Variants in LMLN observed in about 807,000 individuals in gnomAD.
LMLN encodes the protein leishmanolysin like peptidase.
A neutral mutation model predicts 92.3 loss-of-function variants in LMLN; 70 were observed. That is an observed-to-expected ratio of 0.76 (90% CI 0.63 to 0.92). The LOEUF is 0.92. Ranked by LOEUF, LMLN falls within the 40% of genes least tolerant of loss-of-function variation. The probability of loss-of-function intolerance (pLI) is 0.00; values close to 1 mark genes in which losing one functional copy is unlikely to be tolerated. For missense variants in LMLN, 691 were observed against 814.6 expected, an observed-to-expected ratio of 0.85 and a Z score of 1.85; for synonymous variants, 308 against 296.2, an observed-to-expected ratio of 1.04 and a Z score of -0.41.
intron 10 of LMLN, chr3:197,996,551 C>T (rs186434684): frequency 3.9e-4 from 88 of 227,826 alleles, no homozygotes; most frequent in Non-Finnish European, 6.4e-4. Flanking sequence ...TCACTTTTTC[C>T]AAGGCACTAT....
At chr3:198,009,087 T>C (rs549574917) in intron 11 of LMLN, among the ~76,000 whole-genome samples, 1 of 152,220 alleles carries the variant, frequency 6.6e-6, no homozygotes, top group Non-Finnish European at 1.5e-5. Flanking sequence ...CCATGTAAGC[T>C]TGAAAAAAAT....
chr3:198,000,469 C>T (rs994898480), intron 11 of LMLN, among the ~76,000 whole-genome samples: 2 of 152,042 alleles, frequency 1.3e-5, no homozygotes, highest in Admixed American at 6.5e-5. Context: ...GCTCTGTCAC[C>T]CAGGCTGGAG....
At chr3:198,032,743 C>T (rs1163529087) in intron 14 of LMLN, among the ~76,000 whole-genome samples, 2 of 152,158 alleles carry the variant, frequency 1.3e-5, no homozygotes, top group Non-Finnish European at 2.9e-5. Flanking sequence ...GGGATCCATC[C>T]CCATGACCCA....
rs56713833 is a variant in LMLN, at chr3:197,991,111, C to CTTT, written c.1047+448_1047+450dup. Among the ~76,000 whole-genome samples, 43 of 137,874 alleles carry CTTT rather than the reference C, an allele frequency of 3.1e-4. 1 individual carries two copies. Among genetic ancestry groups the CTTT allele is most frequent in the African/African-American group, 7.9e-4 (29 of 36,882 alleles). The allele number at this position is 137,874 out of a possible 152,430, so 90.5% of individuals were successfully genotyped here. A position where few individuals can be genotyped will look rare whatever the true frequency, so the allele number is the denominator to read the frequency against. ...TTTTTTTCTTTTATTTTCTTTCTTT[C>CTTT]TTTTTTTTTTTTTTTGATACAGGGT... On this transcript the variant is annotated intron_variant, in intron 9 of 15. Coordinates refer to ENST00000330198, the Ensembl canonical transcript of LMLN.
chr3:197,969,853 C>T (rs1289696753), intron 1 of LMLN, among the ~76,000 whole-genome samples: 1 of 151,892 alleles, frequency 6.6e-6, no homozygotes, highest in Non-Finnish European at 1.5e-5. Context: ...TATTTTAAAC[C>T]TCACAATTAG....
At chr3:198,003,483 CA>C (rs969591159) in intron 11 of LMLN, among the ~76,000 whole-genome samples, 2 of 151,512 alleles carry the variant, frequency 1.3e-5, no homozygotes, top group African/African-American at 4.8e-5. Context: ...GATTCAGTAT[CA>C]AAAAAAAGGC....
chr3:198,036,406 A>G (rs1723236301), intron 15 of LMLN, among the ~76,000 whole-genome samples: 1 of 152,228 alleles, frequency 6.6e-6, no homozygotes, highest in Non-Finnish European at 1.5e-5. Context: ...TAGTCATATC[A>G]TAATCAGCTG....
chr3:197,984,097 T>C, intron 7 of LMLN, 49 bp downstream of exon 7: 2 of 1,177,410 alleles, frequency 1.7e-6, no homozygotes, highest in East Asian at 2.3e-5. Context: ...ATTTTCTGCT[T>C]AGTATGTTCT....
At chr3:197,975,969 T>G in intron 3 of LMLN, 60 bp from the exon 4 acceptor site, 4 of 1,046,018 alleles carry the variant, frequency 3.8e-6, no homozygotes, top group Non-Finnish European at 1.4e-6. Context: ...TTGCTTCTTT[T>G]AAATATAATT....
chr3:198,038,711 CTTGT>C (rs780855280), exon 16 of LMLN: 2 of 1,450,192 alleles, frequency 1.4e-6, no homozygotes, highest in South Asian at 2.3e-5. Context: ...ATGTTATGTT[CTTGT>C]GAACAAAGCA....
intron 1 of LMLN, among the ~76,000 whole-genome samples, chr3:197,964,447 C>T (rs139822223): frequency 0.014 from 2,138 of 149,538 alleles, 52 homozygotes; most frequent in African/African-American, 0.049. Flanking sequence ...GTTGCCCAGG[C>T]TGGAGTGCAG....
chr3:197,983,988 C>A, exon 7 of LMLN: 2 of 1,613,682 alleles, frequency 1.2e-6, no homozygotes, highest in Non-Finnish European at 8.5e-7. Context: ...TGATCTCTAC[C>A]CAGCCTCAGG....
At position 198,025,524 on chromosome 3, in the gene LMLN, C is replaced by G. The variant is rs1265923373; in HGVS notation, c.1656+736C>G. ...GGAGCTGGGACTACAGTGTGCACCA[C>G]ACACCCGACTAAGTGTTTGATTTTT... On this transcript the variant is annotated intron_variant, in intron 14 of 15. Transcript: ENST00000330198. The surrounding 1 kb of genome is among the most constrained non-coding windows in gnomAD (Gnocchi z 4.3). Among the ~76,000 whole-genome samples the G allele has an allele frequency of 6.6e-6, 1 of 151,854 alleles. No homozygotes were observed. The highest frequency in any genetic ancestry group is 1.5e-5 in the Non-Finnish European group (1 of 67,920).
rs1722890770 is a variant in LMLN at position 198,025,028 on chromosome 3, A to G, written c.1656+240A>G. ...ACTGTAATGTTACTTCTGGGCATAT[A>G]TTCTGAGGAAGTAATGGTAAATAGG... On this transcript the variant is annotated intron_variant, in intron 14 of 15. Coordinates refer to ENST00000330198, the Ensembl canonical transcript of LMLN. This position sits in a 1 kb window ranked among gnomAD's most constrained non-coding sequence, Gnocchi z 4.3. Among the ~76,000 whole-genome samples, 1 of 152,234 alleles carries G rather than the reference A, an allele frequency of 6.6e-6. No homozygotes were observed. The highest frequency in any genetic ancestry group is 6.5e-5 in the Admixed American group (1 of 15,280).
chr3:197,974,421 A>C, exon 2 of LMLN: 1 of 1,597,890 alleles, frequency 6.3e-7, no homozygotes, highest in Non-Finnish European at 8.5e-7. Flanking sequence ...TGGTCAAGAG[A>C]GATGTTGATG....
intron 5 of LMLN, among the ~76,000 whole-genome samples, chr3:197,979,058 A>G (rs1365129843): frequency 6.6e-6 from 1 of 152,188 alleles, no homozygotes; most frequent in Non-Finnish European, 1.5e-5. Flanking sequence ...CATTAACCAT[A>G]GTCACTGTGC....
At chr3:197,989,338 T>C (rs747470594) in intron 8 of LMLN, among the ~76,000 whole-genome samples, 21 of 152,234 alleles carry the variant, frequency 1.4e-4, no homozygotes, top group Non-Finnish European at 2.5e-4. Context: ...TTTTTTTCAT[T>C]GCTTTTTTCA....
At chr3:197,976,550 A>G in intron 4 of LMLN, 48 bp from the exon 5 acceptor site, 1 of 1,091,454 alleles carries the variant, frequency 9.2e-7, no homozygotes, top group Non-Finnish European at 1.3e-6. Context: ...ACTGCTATAA[A>G]ATATTCTCTT....
At chr3:197,963,737 C>G (rs1450525164) in intron 1 of LMLN, among the ~76,000 whole-genome samples, 2 of 152,280 alleles carry the variant, frequency 1.3e-5, no homozygotes, top group Non-Finnish European at 2.9e-5. Context: ...TAAATAGGAA[C>G]AATTTTTGTT....
Sources: gnomAD v4.1 joint callset for allele counts (sites outside exome capture counted in the v4.1 genomes callset) on GRCh38, gnomAD v4.1.1 for gene constraint, Gnocchi (gnomAD v3.1) non-coding constraint, MANE v1.5 for transcripts, NCBI Gene and HGNC (gene_info 2026-07-23, HGNC 2026-07-21) for gene names.